Variants in TTC34 observed in about 807,000 individuals in gnomAD.
The protein encoded by TTC34 is tetratricopeptide repeat domain 34, also known as tetratricopeptide repeat protein 34.
Under a neutral mutation model 40.7 loss-of-function variants are expected in TTC34, and 44 were observed. The observed-to-expected ratio is 1.08, with a 90% confidence interval of 0.85 to 1.39. The LOEUF is 1.39. TTC34 is among the 40% of genes most tolerant of loss of function. TTC34 has a pLI of 0.00. For synonymous variants in TTC34, 422 were observed against 398.6 expected (o/e 1.06, Z -0.70); for missense variants, 884 against 838.0 (o/e 1.05, Z -0.68).
chr1:2,784,405 A>T (rs1459047767), intron 5 of TTC34, among the ~76,000 whole-genome samples: 12 of 152,162 alleles, frequency 7.9e-5, no homozygotes, highest in Non-Finnish European at 1.8e-4. Context: ...CCATTGAAGC[A>T]CCACAGGGAG....
At chr1:2,769,652 C>T (rs1234371795) in intron 6 of TTC34, among the ~76,000 whole-genome samples, 2 of 133,282 alleles carry the variant, frequency 1.5e-5, no homozygotes, top group African/African-American at 6.0e-5. Context: ...CATCTGACAG[C>T]CTGGAGCAGC....
chr1:2,764,262 C>T (rs1475881490), intron 6 of TTC34, among the ~76,000 whole-genome samples: 3 of 149,998 alleles, frequency 2.0e-5, no homozygotes, highest in Non-Finnish European at 3.0e-5. Context: ...GCACGCACAC[C>T]CCCAGGCGAG....
intron 8 of TTC34, among the ~76,000 whole-genome samples, chr1:2,643,655 G>C (rs921732708): frequency 3.3e-5 from 5 of 152,188 alleles, no homozygotes; most frequent in Non-Finnish European, 4.4e-5. Context: ...TTCAGCTCGG[G>C]GGGGGCAGCG....
intron 6 of TTC34, among the ~76,000 whole-genome samples, chr1:2,657,414 C>CCCCACACCCA (rs1639387237): frequency 2.2e-5 from 2 of 90,228 alleles, no homozygotes; most frequent in Non-Finnish European, 5.6e-5. Context: ...CGGAGCAGTA[C>CCCCACACCCA]CAGTACCCCC....
chr1:2,687,271 A>T (rs1401300843), intron 6 of TTC34, among the ~76,000 whole-genome samples: 3 of 139,846 alleles, frequency 2.1e-5, no homozygotes, highest in African/African-American at 3.0e-5. Flanking sequence ...GATGGTCTGG[A>T]GCAGCACCCA....
At chr1:2,798,037 TCTCTCAGCCTCCCAGCCTCCCAGC>T (rs1476011415) in intron 2 of TTC34, among the ~76,000 whole-genome samples, 4 of 147,230 alleles carry the variant, frequency 2.7e-5, no homozygotes, top group Non-Finnish European at 6.0e-5. Context: ...AGCCTCCCAG[TCTCTCAGCCTCCCAGCCTCCCAGC>T]CTCTCAGCCT....
chr1:2,683,458 G>C (rs1640172414), intron 6 of TTC34, among the ~76,000 whole-genome samples: 1 of 150,204 alleles, frequency 6.7e-6, no homozygotes, highest in South Asian at 2.1e-4. Flanking sequence ...CGACAGCCTG[G>C]AGCAGCACCC....
In TTC34 at chr1:2,682,026, C is replaced by A. The variant is rs548377365; in HGVS notation, c.2227-36463G>T. On this transcript the variant is annotated intron_variant, in intron 6 of 8. Transcript: ENST00000401095. The stretch of plus-strand genomic sequence containing the variant: ...AGACAGCCTGGAACAACACCCATAC[C>A]CACAGGTGAGCATCTGACATTGTGG... Among the ~76,000 whole-genome samples, 318 of 111,034 alleles carry A rather than the reference C, an allele frequency of 2.9e-3. 37 individuals carry two copies. Among genetic ancestry groups the A allele is most frequent in the African/African-American group, 8.5e-3 (235 of 27,736 alleles). 72.8% of individuals were successfully genotyped at this position (111,034 alleles called of 152,430 possible).
intron 6 of TTC34, among the ~76,000 whole-genome samples, chr1:2,751,495 G>A (rs1641318045): frequency 1.9e-5 from 1 of 52,440 alleles, no homozygotes; most frequent in African/African-American, 9.6e-5. Flanking sequence ...ATGCCCAGGT[G>A]AGCCTCTGAC....
chr1:2,755,956 G>A (rs1166712232), intron 6 of TTC34, among the ~76,000 whole-genome samples: 1 of 32,808 alleles, frequency 3.0e-5, no homozygotes, highest in Non-Finnish European at 5.0e-5. Context: ...CCCAGGTGAG[G>A]ATCTGACAGC....
exon 2 of TTC34, chr1:2,800,211 C>T: frequency 2.5e-6 from 1 of 398,588 alleles, no homozygotes; most frequent in Non-Finnish European, 4.4e-6. Context: ...CTCCTGCTGG[C>T]CGGCACTGTG....
At chr1:2,795,086 C>CAA (rs35945824) in intron 2 of TTC34, among the ~76,000 whole-genome samples, 5 of 134,264 alleles carry the variant, frequency 3.7e-5, no homozygotes, top group Non-Finnish European at 4.8e-5. Context: ...CCCATCTCTA[C>CAA]AAAAAAAAAA....
intron 6 of TTC34, among the ~76,000 whole-genome samples, chr1:2,681,736 A>C (rs1305724379): frequency 5.5e-5 from 5 of 90,828 alleles, no homozygotes; most frequent in East Asian, 3.0e-4. Flanking sequence ...CCTGGAGCGG[A>C]ACCCACGGCC....
intron 8 of TTC34, among the ~76,000 whole-genome samples, chr1:2,643,112 G>A (rs1428804460): frequency 1.3e-5 from 2 of 152,172 alleles, no homozygotes; most frequent in African/African-American, 2.4e-5. Flanking sequence ...GCAGCTGTCG[G>A]ACCCCGGGAG....
At chr1:2,778,638 G>T (rs1643404139) in intron 6 of TTC34, among the ~76,000 whole-genome samples, 1 of 152,216 alleles carries the variant, frequency 6.6e-6, no homozygotes, top group Non-Finnish European at 1.5e-5. Context: ...GAGACAGGCA[G>T]GGGAGGGGCC....
chr1:2,752,534 C>A lies in TTC34; in HGVS notation c.2226+31075G>T, dbSNP rs1330507502. ...ACAGCCTGGAGCAGCACCCACATCC[C>A]CAGGTGAGCATCTGACAGCCTGGAA... On this transcript the variant is annotated intron_variant, in intron 6 of 8. Transcript: ENST00000401095. Among the ~76,000 whole-genome samples the A allele has an allele frequency of 2.1e-3, 294 of 138,180 alleles. 15 individuals carry two copies. Among genetic ancestry groups the A allele is most frequent in the Non-Finnish European group, 3.7e-3 (233 of 63,824 alleles). 90.7% of individuals were successfully genotyped at this position (138,180 alleles called of 152,430 possible).
At chr1:2,800,433 T>C (rs1157051897) in exon 2 of TTC34, 11 of 398,328 alleles carry the variant, frequency 2.8e-5, no homozygotes, top group Non-Finnish European at 4.9e-5. Flanking sequence ...TTGCTGTGCA[T>C]GAGAGTCCAG....
At chr1:2,657,301 A>T (rs376533977) in intron 6 of TTC34, among the ~76,000 whole-genome samples, 6,828 of 72,562 alleles carry the variant, frequency 0.094, no homozygotes, top group Non-Finnish European at 0.13. Flanking sequence ...GTGCCCAAAC[A>T]CCCAGGTGAG....
chr1:2,789,965 C>T, exon 3 of TTC34: 1 of 391,834 alleles, frequency 2.6e-6, no homozygotes, highest in Non-Finnish European at 4.5e-6. Flanking sequence ...GGCCCGGGCG[C>T]CCGCCGCGTC....
Sources: allele counts gnomAD v4.1 joint callset (sites outside exome capture counted in the v4.1 genomes callset), GRCh38; gene constraint gnomAD v4.1.1; transcripts MANE v1.5; gene names NCBI Gene and HGNC (gene_info 2026-07-23, HGNC 2026-07-21).